Variants in UPF3A observed in about 807,000 individuals in gnomAD.
UPF3A encodes the protein regulator of nonsense transcripts 3A.
A neutral mutation model predicts 53.5 loss-of-function variants in UPF3A; 42 were observed. That is an observed-to-expected ratio of 0.78 (90% CI 0.61 to 1.01). UPF3A has a LOEUF of 1.01. UPF3A is among the 50% of genes least tolerant of loss of function. The probability of loss-of-function intolerance (pLI) is 0.00; values close to 1 mark genes in which losing one functional copy is unlikely to be tolerated. For missense variants in UPF3A, 575 were observed against 598.0 expected, an observed-to-expected ratio of 0.96 and a Z score of 0.40; for synonymous variants, 237 against 225.3, an observed-to-expected ratio of 1.05 and a Z score of -0.47.
chr13:114,297,473 A>G (rs2086160993), intron 7 of UPF3A, among the ~76,000 whole-genome samples: 2 of 152,184 alleles, frequency 1.3e-5, no homozygotes, highest in African/African-American at 4.8e-5. Flanking sequence ...ATACTTGTCT[A>G]TGTCAGGAAA....
At chr13:114,296,701 G>A (rs1010619711) in intron 7 of UPF3A, among the ~76,000 whole-genome samples, 4 of 152,170 alleles carry the variant, frequency 2.6e-5, no homozygotes, top group African/African-American at 7.2e-5. Context: ...TGAAAGGGGG[G>A]CAGTCTTGTG....
chr13:114,281,952 G>A, intron 1 of UPF3A, 69 bp from the exon 2 acceptor site: 1 of 1,436,616 alleles, frequency 7.0e-7, no homozygotes, highest in South Asian at 1.2e-5. Context: ...TCCCAGCGCG[G>A]TACGCGGTGC....
At chr13:114,286,775 A>G in intron 5 of UPF3A, 146 bp downstream of exon 5, 1 of 671,772 alleles carries the variant, frequency 1.5e-6, no homozygotes, top group Non-Finnish European at 2.5e-6. Context: ...CAGTTTTGAC[A>G]AAAGAATGGC....
At chr13:114,282,157 G>C (rs1456811257) in intron 2 of UPF3A, 30 bp downstream of exon 2, 2 of 1,522,238 alleles carry the variant, frequency 1.3e-6, no homozygotes, top group African/African-American at 2.8e-5. Flanking sequence ...GAGGAAGAGA[G>C]GGCGGAACCC....
intron 3 of UPF3A, chr13:114,285,515 A>G (rs1185093151): frequency 6.6e-6 from 1 of 152,152 alleles, no homozygotes; most frequent in African/African-American, 2.4e-5. Flanking sequence ...AGTTAAAGGA[A>G]TTATAATTCA....
At position 114,282,854 on chromosome 13, in the gene UPF3A, A is replaced by C. The variant is rs750514540; in HGVS notation, c.332A>C (p.Tyr111Ser). 36 of 1,609,210 alleles carry C rather than the reference A, an allele frequency of 2.2e-5. No homozygotes were observed. Among genetic ancestry groups the C allele is most frequent in the Non-Finnish European group, 2.7e-5 (32 of 1,176,760 alleles). ...AADLSLYPHL[Y>S]SRAYINFRNP... ...TATTTCAGTCTTTATCCTCATCTCT[A>C]CTCAAGAGCATACATTAATTTTAGG... Residue 111 changes from tyrosine (Y) to serine (S), a missense_variant, in exon 3 of 10, where the codon TAC (tyrosine) becomes TCC (serine). This residue lies in a region of UPF3A where 252 missense variants were observed against 182.7 expected (regional missense o/e 1.38). Transcript: ENST00000375299.
At position 114,282,082 on chromosome 13, in the gene UPF3A, C is replaced by G; in HGVS notation, c.269C>G (p.Pro90Arg). Residue 90 changes from proline (P) to arginine (R), a missense_variant, in exon 2 of 10, where the codon CCG (proline) becomes CGG (arginine). By Grantham distance (103) the Pro-to-Arg change is moderately radical. Transcript: ENST00000375299. Reference protein sequence around the residue: ...TKEQLEEQLRPLPAHDYFEFF... With the variant: ...TKEQLEEQLRRLPAHDYFEFF... ...GAGCAGCTGGAGGAGCAGCTGCGCCCGCTGCCAGCACACGACTACTTCGAG... is the reference window on the plus strand; with the variant it reads ...GAGCAGCTGGAGGAGCAGCTGCGCCGGCTGCCAGCACACGACTACTTCGAG... 2 of 1,580,468 alleles carry G rather than the reference C, an allele frequency of 1.3e-6. No individual in the cohort carries two copies. Among genetic ancestry groups the G allele is most frequent in the Non-Finnish European group, 1.7e-6 (2 of 1,164,370 alleles).
At chr13:114,286,805 A>G in intron 5 of UPF3A, 176 bp downstream of exon 5, 1 of 612,472 alleles carries the variant, frequency 1.6e-6, no homozygotes, top group Admixed American at 3.2e-5. Context: ...GCATGGGAAA[A>G]TATTTCTGAG....
intron 4 of UPF3A, 39 bp downstream of exon 4, chr13:114,286,439 A>G: frequency 6.2e-7 from 1 of 1,612,918 alleles, no homozygotes. Context: ...AAGCTGCCAA[A>G]TTAAGAACAC....
At chr13:114,292,206 C>T (rs1488616786) in intron 7 of UPF3A, among the ~76,000 whole-genome samples, 1 of 148,812 alleles carries the variant, frequency 6.7e-6, no homozygotes, top group East Asian at 2.0e-4. Context: ...AGGTGTGTTA[C>T]GTGTTCATTT....
At chr13:114,283,031 A>G in intron 3 of UPF3A, 88 bp downstream of exon 3, 5 of 1,077,622 alleles carry the variant, frequency 4.6e-6, no homozygotes, top group Non-Finnish European at 6.6e-6. Context: ...TTAAATTATT[A>G]TTATTTTTTG....
At chr13:114,297,554 G>A (rs1020936244) in intron 7 of UPF3A, among the ~76,000 whole-genome samples, 3 of 152,202 alleles carry the variant, frequency 2.0e-5, no homozygotes, top group East Asian at 1.9e-4. Context: ...ACTATTGGCC[G>A]GGCATGGTGG....
Position 114,300,049 on chromosome 13 carries a change from C to T in UPF3A, c.1007+1049C>T, listed in dbSNP as rs562333723. 1.3e-3 allele frequency among the ~76,000 whole-genome samples: 202 copies of T among 152,158 alleles called. 1 individual carries two copies. Among genetic ancestry groups the T allele is most frequent in the African/African-American group, 4.7e-3 (195 of 41,526 alleles). ...TTGTGAAGCACTGTGATGATGTTACCGGTGTTGTTACTGTGACAGTTGATG... is the reference window on the plus strand; with the variant it reads ...TTGTGAAGCACTGTGATGATGTTACTGGTGTTGTTACTGTGACAGTTGATG... On this transcript the variant is annotated intron_variant, in intron 8 of 9. Transcript: ENST00000375299.
At chr13:114,281,949 G>A (rs2084081651) in intron 1 of UPF3A, 72 bp from the exon 2 acceptor site, 9 of 1,412,930 alleles carry the variant, frequency 6.4e-6, no homozygotes, top group Admixed American at 2.0e-5. Flanking sequence ...GCCTCCCAGC[G>A]CGGTACGCGG....
At chr13:114,295,087 G>T (rs904650741) in intron 7 of UPF3A, among the ~76,000 whole-genome samples, 10 of 150,758 alleles carry the variant, frequency 6.6e-5, no homozygotes, top group African/African-American at 2.4e-4. Context: ...ACTCCAGCCT[G>T]GGCGACAGAG....
At chr13:114,298,191 C>T (rs142426826) in intron 7 of UPF3A, among the ~76,000 whole-genome samples, 10 of 151,986 alleles carry the variant, frequency 6.6e-5, no homozygotes, top group Non-Finnish European at 1.0e-4. Flanking sequence ...GGCCGACATA[C>T]TGAAACCCCG....
chr13:114,284,551 T>A (rs1401153862), intron 3 of UPF3A, among the ~76,000 whole-genome samples: 1 of 149,976 alleles, frequency 6.7e-6, no homozygotes, highest in African/African-American at 2.5e-5. Context: ...AAAAAAAAAT[T>A]AGCCAGGCAT....
At chr13:114,283,470 G>C (rs1467766973) in intron 3 of UPF3A, 1 of 152,320 alleles carries the variant, frequency 6.6e-6, no homozygotes, top group Non-Finnish European at 1.5e-5. Context: ...GTGTAATAGT[G>C]ACAGCCTATT....
chr13:114,286,794 A>G (rs1044728061), intron 5 of UPF3A, 165 bp downstream of exon 5: 23 of 620,764 alleles, frequency 3.7e-5, no homozygotes, highest in Non-Finnish European at 6.5e-5. Context: ...GCAAGATGGC[A>G]GCATGGGAAA....
Sources: allele counts gnomAD v4.1 joint callset (sites outside exome capture counted in the v4.1 genomes callset), GRCh38; gene constraint gnomAD v4.1.1; regional missense constraint gnomAD v4.1.1; transcripts MANE v1.5; gene names NCBI Gene and HGNC (gene_info 2026-07-23, HGNC 2026-07-21).